Variants in CADM2 observed in about 807,000 individuals in gnomAD.
CADM2 encodes the protein cell adhesion molecule 2, also known as immunoglobulin superfamily member 4D.
A neutral mutation model predicts 49.8 loss-of-function variants in CADM2; 12 were observed. The observed-to-expected ratio is 0.24, with a 90% CI of 0.15 to 0.39. The LOEUF (loss-of-function observed/expected upper bound fraction) is 0.39. CADM2 is among the 10% of genes least tolerant of loss of function. The pLI, the probability that CADM2 is intolerant of heterozygous loss-of-function variation, is 1.00. For missense variants in CADM2, 378 were observed against 492.3 expected, an observed-to-expected ratio of 0.77 and a Z score of 2.20; for synonymous variants, 214 against 175.4, an observed-to-expected ratio of 1.22 and a Z score of -1.74.
At chr3:85,708,947 C>A (rs914885056) in intron 1 of CADM2, among the ~76,000 whole-genome samples, 10 of 151,506 alleles carry the variant, frequency 6.6e-5, no homozygotes, top group East Asian at 3.9e-4. Flanking sequence ...AAAAAAAAAA[C>A]CACAGCCCTC....
intron 1 of CADM2, among the ~76,000 whole-genome samples, chr3:85,337,899 A>T (rs568414542): frequency 6.6e-6 from 1 of 151,760 alleles, no homozygotes; most frequent in Admixed American, 6.6e-5. Context: ...CATATATTTT[A>T]ATCTCTTAGA....
chr3:85,498,483 A>G (rs902303431), intron 1 of CADM2, among the ~76,000 whole-genome samples: 3 of 152,170 alleles, frequency 2.0e-5, no homozygotes, highest in Non-Finnish European at 4.4e-5. Context: ...ACTACGGTAA[A>G]GGTAGAAAAA....
chr3:85,196,609 G>A (rs1235553220), intron 1 of CADM2, among the ~76,000 whole-genome samples: 1 of 151,914 alleles, frequency 6.6e-6, no homozygotes, highest in Non-Finnish European at 1.5e-5. Context: ...GCAGAGTCTT[G>A]ATTTCTGTTT....
chr3:85,016,241 A>G (rs544268010), intron 1 of CADM2, among the ~76,000 whole-genome samples: 36 of 152,196 alleles, frequency 2.4e-4, no homozygotes, highest in Non-Finnish European at 8.8e-5. Context: ...AATGGGAAGA[A>G]GGGAACTGAA....
chr3:85,438,922 A>G (rs982588960), intron 1 of CADM2, among the ~76,000 whole-genome samples: 2 of 152,050 alleles, frequency 1.3e-5, no homozygotes, highest in African/African-American at 4.8e-5. Flanking sequence ...TCTTGGGCTC[A>G]AGTGATTATC....
chr3:85,929,581 A>G (rs912233633), intron 6 of CADM2, among the ~76,000 whole-genome samples: 2 of 139,224 alleles, frequency 1.4e-5, no homozygotes, highest in Non-Finnish European at 3.0e-5. Context: ...CATGTAATCT[A>G]TTATGCATTG....
chr3:86,036,563 C>T (rs560383998), intron 8 of CADM2, among the ~76,000 whole-genome samples: 5 of 152,196 alleles, frequency 3.3e-5, no homozygotes, highest in Admixed American at 2.0e-4. Flanking sequence ...CACATGTCCA[C>T]CTGAAGGACC....
At chr3:85,235,909 G>T (rs2042397288) in intron 1 of CADM2, among the ~76,000 whole-genome samples, 1 of 151,968 alleles carries the variant, frequency 6.6e-6, no homozygotes, top group Admixed American at 6.6e-5. Flanking sequence ...CTTATTTTAC[G>T]CTGTATATTT....
chr3:85,123,857 T>C (rs1371070548), intron 1 of CADM2, among the ~76,000 whole-genome samples: 1 of 152,118 alleles, frequency 6.6e-6, no homozygotes, highest in African/African-American at 2.4e-5. Context: ...AAAGCAAAAA[T>C]TGCACAAGAC....
intron 1 of CADM2, among the ~76,000 whole-genome samples, chr3:85,564,610 T>C (rs757743987): frequency 2.0e-4 from 31 of 152,128 alleles, no homozygotes; most frequent in Non-Finnish European, 8.8e-5. Flanking sequence ...AAATCATGTA[T>C]TTATTTGTGT....
At chr3:85,258,841 A>C (rs1190684263) in intron 1 of CADM2, among the ~76,000 whole-genome samples, 1 of 152,140 alleles carries the variant, frequency 6.6e-6, no homozygotes, top group East Asian at 1.9e-4. Context: ...TGTGCAAACA[A>C]GAAGTTTTCT....
intron 1 of CADM2, among the ~76,000 whole-genome samples, chr3:85,506,870 A>T (rs2040377867): frequency 6.6e-6 from 1 of 152,198 alleles, no homozygotes; most frequent in South Asian, 2.1e-4. Context: ...TATAGAATTA[A>T]CTACCAAAAA....
chr3:85,407,129 G>C (rs1202672444), intron 1 of CADM2, among the ~76,000 whole-genome samples: 2 of 152,160 alleles, frequency 1.3e-5, no homozygotes, highest in African/African-American at 4.8e-5. Context: ...TTGAACCTGG[G>C]AAGTCCAGGC....
intron 8 of CADM2, among the ~76,000 whole-genome samples, chr3:85,987,421 G>A (rs1157642058): frequency 6.6e-6 from 1 of 151,152 alleles, no homozygotes; most frequent in South Asian, 2.1e-4. Context: ...TATTTTCACT[G>A]CTCTACATTT....
At chr3:85,541,415 T>C (rs900563601) in intron 1 of CADM2, among the ~76,000 whole-genome samples, 1 of 151,038 alleles carries the variant, frequency 6.6e-6, no homozygotes, top group Non-Finnish European at 1.5e-5. Context: ...GTATAAAGTA[T>C]TACCAAAGTT....
intron 1 of CADM2, among the ~76,000 whole-genome samples, chr3:85,507,182 A>ATTTTTTTT (rs71108295): frequency 7.9e-6 from 1 of 127,270 alleles, no homozygotes; most frequent in South Asian, 2.5e-4. Flanking sequence ...CACCCAGTGT[A>ATTTTTTTT]TTTTTTTTTT....
intron 1 of CADM2, among the ~76,000 whole-genome samples, chr3:85,369,009 T>G (rs6793586): frequency 1.3e-5 from 2 of 152,196 alleles, no homozygotes; most frequent in Non-Finnish European, 2.9e-5. Flanking sequence ...ATCTAATGTA[T>G]AGAAATAGCA....
intron 6 of CADM2, among the ~76,000 whole-genome samples, chr3:85,921,836 C>G (rs1047577068): frequency 6.6e-6 from 1 of 152,046 alleles, no homozygotes; most frequent in African/African-American, 2.4e-5. Flanking sequence ...CTCTTTATCT[C>G]ACTTTACTTC....
Position 85,359,666 on chromosome 3 carries a change from A to ATATATATATATATATATATTTTTTT in CADM2, c.62-366855_62-366854insATATATATATATATATATTTTTTTT. ...TATATATATATATATATATATATAT[A>ATATATATATATATATATATTTTTTT]TTTTTTTTTTTGGTGGAGGGGAGAA... On this transcript the variant is annotated intron_variant, in intron 1 of 9. Transcript: ENST00000383699. 5.3e-3 allele frequency among the ~76,000 whole-genome samples: 139 copies of ATATATATATATATATATATTTTTTT among 26,458 alleles called. 3 individuals carry two copies. The highest frequency in any genetic ancestry group is 8.0e-3 in the Non-Finnish European group (98 of 12,244). 17.4% of individuals were successfully genotyped at this position (26,458 alleles called of 152,430 possible).
Sources: gnomAD v4.1 joint callset for allele counts (sites outside exome capture counted in the v4.1 genomes callset) on GRCh38, gnomAD v4.1.1 for gene constraint, MANE v1.5 for transcripts, NCBI Gene and HGNC (gene_info 2026-07-23, HGNC 2026-07-21) for gene names.